Variants in C12orf76 observed in about 807,000 individuals in gnomAD.
The protein encoded by C12orf76 is uncharacterized protein C12orf76.
C12orf76 carries 6 observed loss-of-function variants against 6.8 expected under a neutral mutation model. That is an observed-to-expected ratio of 0.88 (90% confidence interval 0.48 to 1.73). The LOEUF is 1.73. Ranked by LOEUF, C12orf76 falls within the 40% of genes most tolerant of loss-of-function variation. C12orf76 has a pLI of 0.01. For missense variants in C12orf76, 99 were observed against 98.2 expected (o/e 1.01, Z -0.03); for synonymous variants, 56 against 43.7 (o/e 1.28, Z -1.11).
At chr12:110,073,359 C>G (rs771870164) in intron 1 of C12orf76, 16 of 498,256 alleles carry the variant, frequency 3.2e-5, no homozygotes, top group Non-Finnish European at 6.0e-5. Flanking sequence ...GAAGCTGCCC[C>G]CTGGGGCTTT....
chr12:110,060,511 C>G (rs753398547), intron 2 of C12orf76, among the ~76,000 whole-genome samples: 1 of 152,152 alleles, frequency 6.6e-6, no homozygotes, highest in Non-Finnish European at 1.5e-5. Context: ...ACCTCCCTCA[C>G]CTCCTTCCCT....
At chr12:110,068,521 G>A (rs137977013), upstream of C12orf76, among the ~76,000 whole-genome samples, 15 of 152,244 alleles carry the variant, frequency 9.9e-5, no homozygotes, top group Admixed American at 2.0e-4. Context: ...CACTTACTGC[G>A]CAAACAATCC....
chr12:110,069,358 G>T (rs763780702), upstream of C12orf76, among the ~76,000 whole-genome samples: 2 of 152,078 alleles, frequency 1.3e-5, no homozygotes, highest in African/African-American at 2.4e-5. Context: ...GAGAATGGCC[G>T]GAACCCGGGA....
intron 1 of C12orf76, 55 bp downstream of exon 1, chr12:110,048,308 G>C: frequency 6.9e-7 from 1 of 1,442,886 alleles, no homozygotes; most frequent in Non-Finnish European, 9.1e-7. Context: ...TCCAGCACCC[G>C]GAGCAGTGAA....
chr12:110,048,575 G>A, upstream of C12orf76: 1 of 1,337,348 alleles, frequency 7.5e-7, no homozygotes, highest in South Asian at 1.9e-5. Flanking sequence ...TCTCTGCGTC[G>A]CTGCCACCGC....
At chr12:110,066,112 C>T (rs892514030) in intron 1 of C12orf76, 132 of 1,395,902 alleles carry the variant, frequency 9.5e-5, no homozygotes, top group East Asian at 1.1e-4. Flanking sequence ...GCAGGCCGGG[C>T]GCGGTAGCTC....
At chr12:110,063,408 G>A (rs571625702) in intron 2 of C12orf76, among the ~76,000 whole-genome samples, 1 of 148,916 alleles carries the variant, frequency 6.7e-6, no homozygotes, top group South Asian at 2.1e-4. Context: ...CTCAGCCTCC[G>A]AGTAGCTGGG....
At position 110,042,411 on chromosome 12, in the gene C12orf76, A is replaced by G. The variant is rs1349630628; in HGVS notation, c.182T>C (p.Met61Thr). The change falls in exon 2 of 2, where the codon ATG becomes ACG. Residue 61 changes from methionine to threonine, a missense_variant. By Grantham distance (81) the Met-to-Thr change is moderately conservative. Transcript: ENST00000615315. ...FSILLVTVIL[M>T]AFCVYKPIRR... ...AATGGGCTTGTAGACACAAAATGCC[A>G]TAAGGATGACAGTCACCAGCAGGAT... The G allele has an allele frequency of 1.2e-6, 2 of 1,614,216 alleles. No individual in the cohort carries two copies. The highest frequency in any genetic ancestry group is 2.2e-5 in the East Asian group (1 of 44,892).
exon 2 of C12orf76, chr12:110,065,980 C>T: frequency 6.2e-7 from 1 of 1,612,586 alleles, no homozygotes; most frequent in Non-Finnish European, 8.5e-7. Context: ...GGGGTCACCT[C>T]CAGAACTGGG....
intron 3 of C12orf76, chr12:110,057,370 A>C (rs1011469512): frequency 1.0e-4 from 98 of 935,952 alleles, no homozygotes; most frequent in Non-Finnish European, 1.4e-4. Flanking sequence ...CCCTTACCTC[A>C]TGACTAACCC....
chr12:110,059,436 G>C (rs1476702013), intron 2 of C12orf76, among the ~76,000 whole-genome samples: 1 of 152,114 alleles, frequency 6.6e-6, no homozygotes, highest in Non-Finnish European at 1.5e-5. Flanking sequence ...GGGCATCCTC[G>C]TCCTGTTCCT....
intron 2 of C12orf76, among the ~76,000 whole-genome samples, chr12:110,063,581 C>T (rs893186943): frequency 2.0e-5 from 3 of 150,848 alleles, no homozygotes; most frequent in South Asian, 2.1e-4. Context: ...TAAGCCACCA[C>T]GCCTGGTGAG....
chr12:110,052,890 C>T (rs1383611410), upstream of C12orf76, among the ~76,000 whole-genome samples: 1 of 152,130 alleles, frequency 6.6e-6, no homozygotes, highest in Non-Finnish European at 1.5e-5. Flanking sequence ...GGGGAGTTAT[C>T]CAGATACCTA....
chr12:110,048,525 C>T (rs1164637933), upstream of C12orf76: 2 of 1,385,024 alleles, frequency 1.4e-6, no homozygotes, highest in African/African-American at 1.5e-5. Context: ...GCAGAGAGGC[C>T]ACTTCCGTCG....
At chr12:110,069,295 C>A (rs573123869), upstream of C12orf76, among the ~76,000 whole-genome samples, 5 of 152,164 alleles carry the variant, frequency 3.3e-5, no homozygotes, top group African/African-American at 1.2e-4. Context: ...AAAAAATTAG[C>A]GGGACATGGT....
upstream of C12orf76, chr12:110,048,717 A>G: frequency 1.7e-6 from 2 of 1,199,488 alleles, no homozygotes; most frequent in Non-Finnish European, 2.1e-6. Flanking sequence ...GTTCAGATCA[A>G]CTTTCCGTCT....
intron 2 of C12orf76, among the ~76,000 whole-genome samples, chr12:110,062,178 CG>C (rs1892782378): frequency 6.6e-6 from 1 of 152,098 alleles, no homozygotes; most frequent in Admixed American, 6.6e-5. Flanking sequence ...ATAGGAGAAT[CG>C]TTTGAACCCA....
At chr12:110,070,471 C>G (rs1408884694), upstream of C12orf76, among the ~76,000 whole-genome samples, 1 of 151,340 alleles carries the variant, frequency 6.6e-6, no homozygotes, top group Non-Finnish European at 1.5e-5. Context: ...GAGGATGAGG[C>G]AGGAGGATCA....
upstream of C12orf76, among the ~76,000 whole-genome samples, chr12:110,069,922 T>C (rs1474529625): frequency 1.3e-5 from 2 of 152,220 alleles, no homozygotes; most frequent in African/African-American, 2.4e-5. Context: ...GGTGTTCTCA[T>C]AGTAATGTTT....
Sources: allele counts gnomAD v4.1 joint callset (sites outside exome capture counted in the v4.1 genomes callset), GRCh38; gene constraint gnomAD v4.1.1; transcripts MANE v1.5; gene names NCBI Gene and HGNC (gene_info 2026-07-23, HGNC 2026-07-21).